Variants in FRYL observed in about 807,000 individuals in gnomAD.
FRYL encodes the protein protein furry homolog-like.
FRYL carries 150 observed loss-of-function variants against 351.2 expected under a neutral mutation model. The ratio of observed to expected loss-of-function variants is 0.43; its 90% confidence interval spans 0.37 to 0.49. The LOEUF is 0.49. Among genes scored for constraint, FRYL ranks in the 20% least tolerant of loss-of-function variants. The pLI is 0.00. For missense variants in FRYL, 3,036 were observed against 3,619.3 expected (o/e 0.84, Z 4.13); for synonymous variants, 1,153 against 1,257.1 (o/e 0.92, Z 1.75).
At chr4:48,673,026 T>G (rs1762974132) in intron 3 of FRYL, among the ~76,000 whole-genome samples, 1 of 152,228 alleles carries the variant, frequency 6.6e-6, no homozygotes, top group African/African-American at 2.4e-5. Context: ...TGCTACATCG[T>G]GGGTTGTCCC....
chr4:48,671,877 A>AAAAAAAC (rs1762804259), intron 3 of FRYL, among the ~76,000 whole-genome samples: 2 of 147,298 alleles, frequency 1.4e-5, no homozygotes, highest in Non-Finnish European at 1.5e-5. Flanking sequence ...AAAAAACAAA[A>AAAAAAAC]AAAAAAAAAA....
At chr4:48,533,050 C>A (rs1320955100) in intron 49 of FRYL, among the ~76,000 whole-genome samples, 2 of 152,108 alleles carry the variant, frequency 1.3e-5, no homozygotes, top group African/African-American at 4.8e-5. Context: ...CATATTCTAA[C>A]ATGAAAACCA....
intron 1 of FRYL, among the ~76,000 whole-genome samples, chr4:48,744,268 G>A (rs1772428060): frequency 6.6e-6 from 1 of 152,096 alleles, no homozygotes; most frequent in Non-Finnish European, 1.5e-5. Flanking sequence ...CCACTGGATT[G>A]TATACTTTGC....
At chr4:48,737,005 C>T (rs1199421927) in intron 1 of FRYL, among the ~76,000 whole-genome samples, 4 of 150,728 alleles carry the variant, frequency 2.7e-5, no homozygotes, top group Admixed American at 6.6e-5. Context: ...GGTGGCCGGG[C>T]GTGGTGGCTC....
At position 48,593,983 on chromosome 4, in the gene FRYL, A is replaced by C. The variant is rs1744073122; in HGVS notation, c.1282T>G (p.Phe428Val). The change falls in exon 16 of 64, where the codon TTT (phenylalanine) becomes GTT (valine). Residue 428 changes from phenylalanine (F) to valine (V), a missense_variant. Transcript: ENST00000358350. Reference sequence around the variant, plus strand: ...GATTTTCCAACACTGAGAAGATCAAATATTATTTCTTTCATTGCAAAATCC... The same window carrying C: ...GATTTTCCAACACTGAGAAGATCAACTATTATTTCTTTCATTGCAAAATCC... ...RLDFAMKEIIFDLLSVGKSTK... is the reference protein window; with the variant it reads ...RLDFAMKEIIVDLLSVGKSTK... The C allele has an allele frequency of 6.7e-7, 1 of 1,491,620 alleles. No individual in the cohort carries two copies. Among genetic ancestry groups the C allele is most frequent in the African/African-American group, 1.5e-5 (1 of 68,694 alleles). The allele number at this position is 1,491,620 out of a possible 1,614,324, so 92.4% of individuals were successfully genotyped here.
In FRYL at chr4:48,579,239, A is replaced by T; in HGVS notation, c.2262T>A (p.Thr754=). ...SFIHLTGADQ[T]TLLYCPSSID... is the part of the protein sequence containing the mutation. ...TCGAGCTAGGGCAATAGAGCAAAGT[A>T]GTCTATATGGAGAGGAAAAAATTGA... The change falls in exon 23 of 64, where the codon ACT becomes ACA. Residue 754 remains threonine, a splice_region_variant and synonymous_variant. Transcript: ENST00000358350. 1.9e-6 allele frequency: 3 copies of T among 1,604,320 alleles called. No individual in the cohort carries two copies. Among genetic ancestry groups the T allele is most frequent in the Non-Finnish European group, 2.6e-6 (3 of 1,176,290 alleles).
In FRYL at chr4:48,538,420, A is replaced by C. The variant is rs555426949; in HGVS notation, c.6393+1551T>G. ...TTAAATATTTTCACATCATTTATTA[A>C]ATGTTATTTATCAAGACAGTGAAAA... On this transcript the variant is annotated intron_variant, in intron 47 of 63. Coordinates refer to ENST00000358350, the MANE Select transcript of FRYL (RefSeq NM_015030.2). Among the ~76,000 whole-genome samples, 64 of 152,250 alleles carry C rather than the reference A, an allele frequency of 4.2e-4. 1 individual carries two copies. In the South Asian group the frequency reaches 0.012, roughly 28 times the overall value.
At chr4:48,743,205 A>G (rs866645921) in intron 1 of FRYL, among the ~76,000 whole-genome samples, 30 of 152,054 alleles carry the variant, frequency 2.0e-4, no homozygotes, top group Admixed American at 2.0e-3. Flanking sequence ...GCAGAAAAGT[A>G]GAAAGAACAC....
Position 48,542,216 on chromosome 4 carries a change from A to T in FRYL, c.5593-95T>A, listed in dbSNP as rs188775777. ...GGGATTTTAAAATAGAACAAACTCCATGTTATGTTACAAAATGATTAAACT... is the reference window on the plus strand; with the variant it reads ...GGGATTTTAAAATAGAACAAACTCCTTGTTATGTTACAAAATGATTAAACT... On this transcript the variant is annotated intron_variant, in intron 44 of 63. Coordinates refer to ENST00000358350, the MANE Select transcript of FRYL (RefSeq NM_015030.2). The T allele has an allele frequency of 1.7e-4, 142 of 820,038 alleles. 1 individual carries two copies. In the Admixed American group the frequency reaches 3.1e-3, roughly 18 times the overall value. 50.8% of individuals were successfully genotyped at this position (820,038 alleles called of 1,614,324 possible).
At position 48,553,308 on chromosome 4, in the gene FRYL, G is replaced by T; in HGVS notation, c.4342C>A (p.Leu1448Met). The T allele has an allele frequency of 6.2e-7, 1 of 1,612,664 alleles. No individual in the cohort carries two copies. The highest frequency in any genetic ancestry group is 1.1e-5 in the South Asian group (1 of 91,028). ...ACCCCTGAACTGACAGGATCGGTCA[G>T]CTGAAGCTCACTCACCAGCTCTTCT... ...LLEELVSELQ[L>M]TDPVSSGVTH... The change falls in exon 36 of 64, where the codon CTG (leucine) becomes ATG (methionine). Residue 1448 changes from leucine to methionine, a missense_variant. Around this residue, in one of 7 missense-constraint regions of FRYL, gnomAD observed 1,987 missense variants for 2,311.7 expected, o/e 0.86. Coordinates refer to ENST00000358350, the MANE Select transcript of FRYL (RefSeq NM_015030.2).
intron 2 of FRYL, among the ~76,000 whole-genome samples, chr4:48,693,555 A>T (rs1765858585): frequency 6.6e-6 from 1 of 152,258 alleles, no homozygotes; most frequent in African/African-American, 2.4e-5. Flanking sequence ...AAGAAGACAT[A>T]AATATTAAAA....
At chr4:48,658,035 C>T (rs868476278) in intron 3 of FRYL, among the ~76,000 whole-genome samples, 1 of 152,128 alleles carries the variant, frequency 6.6e-6, no homozygotes, top group Admixed American at 6.5e-5. Context: ...GAGGTACATT[C>T]CAATACACCA....
intron 3 of FRYL, among the ~76,000 whole-genome samples, chr4:48,668,951 A>G (rs1762209345): frequency 6.6e-6 from 1 of 152,174 alleles, no homozygotes; most frequent in South Asian, 2.1e-4. Context: ...TTTACAGAAT[A>G]TTCCTTTAGT....
intron 2 of FRYL, among the ~76,000 whole-genome samples, chr4:48,699,598 C>T (rs1578758282): frequency 6.6e-6 from 1 of 152,180 alleles, no homozygotes; most frequent in East Asian, 1.9e-4. Context: ...AAACAAGGTG[C>T]TAATTCAATC....
At chr4:48,771,117 A>C (rs1464983823) in intron 1 of FRYL, among the ~76,000 whole-genome samples, 6 of 152,234 alleles carry the variant, frequency 3.9e-5, no homozygotes, top group African/African-American at 1.4e-4. Context: ...TTCTAGCTCC[A>C]AAAACATTAA....
chr4:48,545,918 T>A (rs1252663749), intron 42 of FRYL, 149 bp downstream of exon 42: 19 of 690,134 alleles, frequency 2.8e-5, no homozygotes, highest in Non-Finnish European at 4.6e-5. Context: ...TTTGATTGCA[T>A]CCTAATTTTC....
intron 30 of FRYL, among the ~76,000 whole-genome samples, chr4:48,564,385 C>A (rs542432545): frequency 1.2e-4 from 18 of 152,290 alleles, no homozygotes; most frequent in African/African-American, 4.1e-4. Context: ...TGATTAGGTG[C>A]TTTCAGAAAA....
intron 3 of FRYL, among the ~76,000 whole-genome samples, chr4:48,649,663 A>G (rs1020765782): frequency 3.9e-5 from 6 of 152,166 alleles, no homozygotes; most frequent in Non-Finnish European, 5.9e-5. Flanking sequence ...TAAAAGAAGT[A>G]ATGCCTAAAA....
chr4:48,592,081 CTTATATATATATATA>C (rs1489867249), intron 16 of FRYL, among the ~76,000 whole-genome samples: 1 of 24,808 alleles, frequency 4.0e-5, no homozygotes, highest in African/African-American at 1.6e-4. Context: ...AAATAAAGCT[CTTATATATATATATA>C]TATATATATA....
Sources: gnomAD v4.1 joint callset for allele counts (sites outside exome capture counted in the v4.1 genomes callset) on GRCh38, gnomAD v4.1.1 for gene constraint, gnomAD v4.1.1 regional missense constraint, MANE v1.5 for transcripts, NCBI Gene and HGNC (gene_info 2026-07-23, HGNC 2026-07-21) for gene names.